The following TMED5 variants were observed in gnomAD, a reference collection of about 807,000 sequenced individuals.
The protein encoded by TMED5 is transmembrane emp24 domain-containing protein 5.
In TMED5, 27 loss-of-function variants were observed where a neutral mutation model predicts 23.0. The observed-to-expected ratio is 1.17, with a 90% CI of 0.86 to 1.62. The LOEUF is 1.62. Among genes scored for constraint, TMED5 ranks in the 40% most tolerant of loss-of-function variants. The pLI is 0.00. For synonymous variants in TMED5, 97 were observed against 100.8 expected, an observed-to-expected ratio of 0.96 and a Z score of 0.23; for missense variants, 248 against 273.7, an observed-to-expected ratio of 0.91 and a Z score of 0.66.
At chr1:93,178,882 T>C (rs1649071076) in intron 1 of TMED5, among the ~76,000 whole-genome samples, 1 of 152,204 alleles carries the variant, frequency 6.6e-6, no homozygotes, top group Non-Finnish European at 1.5e-5. Flanking sequence ...CATTTGATGA[T>C]TATAATTAAC....
intron 1 of TMED5, among the ~76,000 whole-genome samples, chr1:93,179,731 T>C (rs1374389286): frequency 6.6e-6 from 1 of 152,172 alleles, no homozygotes; most frequent in African/African-American, 2.4e-5. Flanking sequence ...TATGAGAGCG[T>C]GTAGTGGCTA....
At position 93,180,165 on chromosome 1, in the gene TMED5, G is replaced by A. The variant is rs764599971; in HGVS notation, c.78C>T (p.Ala26=). The A allele has an allele frequency of 4.3e-6, 7 of 1,613,132 alleles. No homozygotes were observed. The highest frequency in any genetic ancestry group is 1.7e-5 in the Admixed American group (1 of 59,788). The change falls in exon 1 of 4, where the codon GCC becomes GCT. Residue 26 remains alanine, a synonymous_variant. Coordinates refer to ENST00000370282, the MANE Select transcript of TMED5 (RefSeq NM_016040.5). ...CGCTATCGAGGGAAGGTGTGAAGCC[G>A]GCCGCCCCAGGCAGCAGCACCGGAG... ...ALPPVLLPGA[A]GFTPSLDSDF...
chr1:93,177,660 C>G (rs1455915027), intron 1 of TMED5, among the ~76,000 whole-genome samples: 2 of 145,294 alleles, frequency 1.4e-5, no homozygotes, highest in Non-Finnish European at 3.0e-5. Context: ...TAAAGCTAAA[C>G]CAAGCCAGCT....
intron 1 of TMED5, among the ~76,000 whole-genome samples, chr1:93,175,200 T>A (rs920305236): frequency 1.6e-5 from 2 of 124,010 alleles, no homozygotes; most frequent in Non-Finnish European, 3.5e-5. Context: ...TATATATATA[T>A]AAATGGACCT....
intron 1 of TMED5, among the ~76,000 whole-genome samples, chr1:93,176,892 G>A (rs1203289108): frequency 6.6e-6 from 1 of 152,194 alleles, no homozygotes; most frequent in Non-Finnish European, 1.5e-5. Context: ...TATCAAGCAC[G>A]CAAGAATGAC....
At chr1:93,160,420 A>G (rs1475550717) in intron 1 of TMED5, 194 bp from the exon 2 acceptor site, 7 of 436,252 alleles carry the variant, frequency 1.6e-5, no homozygotes, top group Non-Finnish European at 2.9e-5. Flanking sequence ...TCCCTTCCTT[A>G]CCCATTTCTC....
Position 93,154,672 on chromosome 1 carries a change from A to G in TMED5, c.688T>C (p.Ter230GlnextTer14). 1 of 1,610,822 alleles carries G rather than the reference A, an allele frequency of 6.2e-7. No individual in the cohort carries two copies. The highest frequency in any genetic ancestry group is 8.5e-7 in the Non-Finnish European group (1 of 1,178,480). The change falls in exon 4 of 4, where the codon TAA (stop) becomes CAA (glutamine). Residue 230 changes from the stop codon to glutamine, a stop_lost. Coordinates refer to ENST00000370282, the MANE Select transcript of TMED5 (RefSeq NM_016040.5). Reference protein sequence around the residue: ...LFEDKRKSRT* With the variant: ...LFEDKRKSRTQ ...GTTACGTACTCTAGTTTGGAGTTTT[A>G]AGTTCTACTTTTCCTCTTATCTTCA...
intron 1 of TMED5, among the ~76,000 whole-genome samples, chr1:93,176,142 A>T (rs1648903415): frequency 6.6e-6 from 1 of 152,200 alleles, no homozygotes; most frequent in African/African-American, 2.4e-5. Flanking sequence ...GCCCACAATG[A>T]TTTGGTTGCT....
intron 1 of TMED5, among the ~76,000 whole-genome samples, chr1:93,171,057 A>G (rs1247377336): frequency 6.6e-6 from 1 of 152,172 alleles, no homozygotes; most frequent in East Asian, 1.9e-4. Flanking sequence ...GCTCTTTGCA[A>G]TAAATCTTGC....
At position 93,154,479 on chromosome 1, in the gene TMED5, C is replaced by CTT. The variant is rs769814003; in HGVS notation, c.*189_*190dup. 6.8e-6 allele frequency: 4 copies of CTT among 587,582 alleles called. No homozygotes were observed. The South Asian group carries it at 8.6e-5, about 13-fold the overall frequency. The allele number at this position is 587,582 out of a possible 1,614,324, so 36.4% of individuals were successfully genotyped here. On this transcript the variant is annotated 3_prime_UTR_variant, in exon 4 of 4. Transcript: ENST00000370282. ...TTCTGCAAAATATTCCTGTTACACA[C>CTT]TTAAGTACAACTGGATCAGCAGGAT...
Position 93,179,981 on chromosome 1 carries a change from C to T in TMED5, c.189+73G>A, listed in dbSNP as rs1239230694. The stretch of plus-strand genomic sequence containing the variant: ...CACCAGGGCCGTCCACCAGAAGTTT[C>T]TAAACGGGTGAGAGGCGACAACGCA... On this transcript the variant is annotated intron_variant, in intron 1 of 3. Transcript: ENST00000370282. The T allele has an allele frequency of 3.4e-6, 5 of 1,472,072 alleles. No homozygotes were observed. The South Asian group carries it at 6.4e-5, about 19-fold the overall frequency. The allele number at this position is 1,472,072 out of a possible 1,614,324, so 91.2% of individuals were successfully genotyped here.
chr1:93,180,126 G>A lies in TMED5; in HGVS notation c.117C>T (p.Thr39=), dbSNP rs1163145186. 3.7e-6 allele frequency: 6 copies of A among 1,613,896 alleles called. No individual in the cohort carries two copies. Among genetic ancestry groups the A allele is most frequent in the East Asian group, 2.2e-5 (1 of 44,824 alleles). ...AGCACTCCTTCTGGCCGGCGGGAAG[G>A]GTAAAGGTGAAGTCGCTATCGAGGG... The part of the protein sequence containing the change: ...TPSLDSDFTF[T]LPAGQKECFY... Residue 39 remains threonine, a synonymous_variant, in exon 1 of 4, where the codon ACC becomes ACT. Coordinates refer to ENST00000370282, the MANE Select transcript of TMED5 (RefSeq NM_016040.5).
chr1:93,153,798 TTAACA>T lies in TMED5; in HGVS notation c.*867_*871del, dbSNP rs1318489698. The T allele has an allele frequency of 6.6e-6, 1 of 152,136 alleles. No homozygotes were observed. The highest frequency in any genetic ancestry group is 2.4e-5 in the African/African-American group (1 of 41,456). 9.4% of individuals were successfully genotyped at this position (152,136 alleles called of 1,614,324 possible). The stretch of plus-strand genomic sequence containing the variant: ...ATCCAAGTCAGCAATCATGTTAAAA[TTAACA>T]TAACATGATTATTAACTGTTGACAG... On this transcript the variant is annotated 3_prime_UTR_variant, in exon 4 of 4. Transcript: ENST00000370282.
Position 93,180,357 on chromosome 1 carries a change from C to T in TMED5, c.-115G>A. ...GGAAATCTGGAGTCTGAAGAAACTC[C>T]AGGTGGCGGCCGCGGCGGCGGCGAA... On this transcript the variant is annotated 5_prime_UTR_variant, in exon 1 of 4. Transcript: ENST00000370282. The T allele has an allele frequency of 7.4e-7, 1 of 1,350,924 alleles. No individual in the cohort carries two copies. Among genetic ancestry groups the T allele is most frequent in the Non-Finnish European group, 1.0e-6 (1 of 1,000,802 alleles). 83.7% of individuals were successfully genotyped at this position (1,350,924 alleles called of 1,614,324 possible).
chr1:93,174,475 A>C (rs1003914666), intron 1 of TMED5, among the ~76,000 whole-genome samples: 2 of 152,146 alleles, frequency 1.3e-5, no homozygotes, highest in Non-Finnish European at 2.9e-5. Flanking sequence ...GAGACCCCAT[A>C]TCTCTCTTTT....
At position 93,171,286 on chromosome 1, in the gene TMED5, G is replaced by A. The variant is rs147128800; in HGVS notation, c.189+8768C>T. On this transcript the variant is annotated intron_variant, in intron 1 of 3. Coordinates refer to ENST00000370282, the MANE Select transcript of TMED5 (RefSeq NM_016040.5). ...AAACCCACCAGAAGGAAGAAACTCC[G>A]AACACATCCGAACATCAGAAGGAAC... Among the ~76,000 whole-genome samples, 1,309 of 152,258 alleles carry A rather than the reference G, an allele frequency of 8.6e-3. 17 individuals carry two copies. The highest frequency in any genetic ancestry group is 0.029 in the African/African-American group (1,222 of 41,538).
At chr1:93,158,200 C>T (rs1366457177) in intron 2 of TMED5, among the ~76,000 whole-genome samples, 3 of 151,848 alleles carry the variant, frequency 2.0e-5, no homozygotes, top group Non-Finnish European at 4.4e-5. Flanking sequence ...AATGTATATC[C>T]TGGCTTTGCC....
intron 3 of TMED5, chr1:93,155,984 A>C: frequency 7.6e-6 from 7 of 919,732 alleles, no homozygotes; most frequent in Non-Finnish European, 1.1e-5. Context: ...TCAGAAGCAT[A>C]ATCTATTTAT....
At chr1:93,164,443 T>C (rs1648410607) in intron 1 of TMED5, among the ~76,000 whole-genome samples, 1 of 152,084 alleles carries the variant, frequency 6.6e-6, no homozygotes. Flanking sequence ...GGTCATACCA[T>C]CAGTAAAAGG....
Sources: gnomAD v4.1 joint callset for allele counts (sites outside exome capture counted in the v4.1 genomes callset) on GRCh38, gnomAD v4.1.1 for gene constraint, MANE v1.5 for transcripts, NCBI Gene and HGNC (gene_info 2026-07-23, HGNC 2026-07-21) for gene names.